NFIC: variants seen among roughly 807,000 people sequenced by gnomAD.
The protein encoded by NFIC is nuclear factor I C, also known as nuclear factor 1 C-type.
NFIC carries 12 observed loss-of-function variants against 54.4 expected under a neutral mutation model. That is an observed-to-expected ratio of 0.22 (90% CI 0.14 to 0.36). The LOEUF (loss-of-function observed/expected upper bound fraction) is 0.36. NFIC is among the 10% of genes least tolerant of loss of function. NFIC has a pLI of 1.00. For missense variants in NFIC, 575 were observed against 718.2 expected, an observed-to-expected ratio of 0.80 and a Z score of 2.28; for synonymous variants, 322 against 319.2, an observed-to-expected ratio of 1.01 and a Z score of -0.09.
intron 1 of NFIC, among the ~76,000 whole-genome samples, chr19:3,380,265 A>T (rs1490996510): frequency 6.7e-6 from 1 of 149,030 alleles, no homozygotes; most frequent in South Asian, 2.1e-4. Context: ...TGGCCTCCCA[A>T]AGTGCTGGGA....
chr19:3,363,523 C>T (rs531466499), upstream of NFIC, among the ~76,000 whole-genome samples: 5 of 151,500 alleles, frequency 3.3e-5, no homozygotes, highest in African/African-American at 7.3e-5. Flanking sequence ...CTGCCTGCCT[C>T]GGCCTCCCAA....
rs1192495350 is a variant in NFIC at position 3,369,099 on chromosome 19, C to T, written c.30+2433C>T. ...CTCTGTCTCTTCATGTCTATCTCAC[C>T]ATCCCTTTCTCCTCTTTGTCTCTGC... On this transcript the variant is annotated intron_variant, in intron 1 of 10. Coordinates refer to ENST00000443272, the MANE Select transcript of NFIC (RefSeq NM_001245002.2). This position sits in a 1 kb window ranked among gnomAD's most constrained non-coding sequence, Gnocchi z 4.3. Among the ~76,000 whole-genome samples the T allele has an allele frequency of 6.6e-6, 1 of 151,772 alleles. No homozygotes were observed. Among genetic ancestry groups the T allele is most frequent in the Non-Finnish European group, 1.5e-5 (1 of 67,970 alleles).
In NFIC at chr19:3,429,806, T is replaced by G. The variant is rs75532011; in HGVS notation, c.635-3712T>G. ...CCCTGCTGGCCTGCAACTTGCCAAGTGCATTTCTACCCGGAGGCCTTTGCA... is the reference window on the plus strand; with the variant it reads ...CCCTGCTGGCCTGCAACTTGCCAAGGGCATTTCTACCCGGAGGCCTTTGCA... On this transcript the variant is annotated intron_variant, in intron 3 of 10. Transcript: ENST00000443272. 2.4e-3 allele frequency among the ~76,000 whole-genome samples: 359 copies of G among 152,268 alleles called. 4 individuals are homozygous for G. In the East Asian group the frequency reaches 0.051, roughly 22 times the overall value.
At chr19:3,359,633 G>T (rs1423448630), upstream of NFIC, 1 of 1,338,496 alleles carries the variant, frequency 7.5e-7, no homozygotes, top group Non-Finnish European at 9.7e-7. Context: ...CCTCGCCGGG[G>T]ACCGAGCGCG....
intron 6 of NFIC, 117 bp downstream of exon 6, chr19:3,435,324 C>T (rs2082183622): frequency 1.5e-6 from 2 of 1,367,384 alleles, no homozygotes; most frequent in Non-Finnish European, 9.6e-7. Flanking sequence ...CCTGGAGCCG[C>T]GGGGCCTCCT....
intron 1 of NFIC, among the ~76,000 whole-genome samples, chr19:3,368,576 G>A (rs1399813032): frequency 6.6e-6 from 1 of 152,174 alleles, no homozygotes; most frequent in Non-Finnish European, 1.5e-5. Flanking sequence ...CCAGAGTGGG[G>A]ACAGCGAGTC....
At chr19:3,384,666 G>T (rs1185287281) in intron 2 of NFIC, among the ~76,000 whole-genome samples, 1 of 152,200 alleles carries the variant, frequency 6.6e-6, no homozygotes, top group Non-Finnish European at 1.5e-5. Context: ...GGGGATTACA[G>T]GCGTGAGCCA....
chr19:3,435,749 G>T (rs2082190851), intron 6 of NFIC, among the ~76,000 whole-genome samples: 1 of 152,040 alleles, frequency 6.6e-6, no homozygotes, highest in Admixed American at 6.6e-5. Context: ...CCATGGCGTC[G>T]TTTTCTAGGA....
intron 6 of NFIC, among the ~76,000 whole-genome samples, chr19:3,441,162 CG>C (rs1326385331): frequency 3.9e-5 from 6 of 152,184 alleles, no homozygotes; most frequent in Non-Finnish European, 8.8e-5. Flanking sequence ...GACAGCCCTG[CG>C]GAGGTGCCTG....
At chr19:3,366,396 G>A (rs896573429), upstream of NFIC, among the ~76,000 whole-genome samples, 7 of 151,048 alleles carry the variant, frequency 4.6e-5, no homozygotes, top group South Asian at 1.3e-3. Flanking sequence ...GAGAGACAGA[G>A]ACGGGGGAGA....
chr19:3,415,095 C>A (rs2081831732), intron 2 of NFIC, among the ~76,000 whole-genome samples: 1 of 152,060 alleles, frequency 6.6e-6, no homozygotes, highest in Non-Finnish European at 1.5e-5. Context: ...CCGCCTCAGG[C>A]TCCCAAAGTG....
chr19:3,444,335 A>G (rs2082338705), intron 6 of NFIC, among the ~76,000 whole-genome samples: 1 of 152,200 alleles, frequency 6.6e-6, no homozygotes, highest in African/African-American at 2.4e-5. Flanking sequence ...TCCTCCTCAC[A>G]GTCAATATTC....
intron 7 of NFIC, among the ~76,000 whole-genome samples, chr19:3,450,914 C>T (rs776714126): frequency 5.3e-5 from 8 of 152,196 alleles, no homozygotes; most frequent in African/African-American, 1.9e-4. Context: ...GCCACGACCA[C>T]GTCTTTGTAT....
chr19:3,410,797 G>A (rs948360400), intron 2 of NFIC: 16 of 152,440 alleles, frequency 1.0e-4, no homozygotes, highest in African/African-American at 3.8e-4. Flanking sequence ...GTAAGGCAGC[G>A]ATTGGAAACG....
In NFIC at chr19:3,434,676, G is replaced by A. The variant is rs571952351; in HGVS notation, c.833+276G>A. Among the ~76,000 whole-genome samples, 47 of 152,272 alleles carry A rather than the reference G, an allele frequency of 3.1e-4. 2 individuals carry two copies. In the South Asian group the frequency reaches 7.3e-3, roughly 24 times the overall value. Reference sequence around the variant, plus strand: ...CCCACCCAGAAGAATGCAGACACAGGTTGTTGCTGAGATATGCTTTGTGAC... The same window carrying A: ...CCCACCCAGAAGAATGCAGACACAGATTGTTGCTGAGATATGCTTTGTGAC... On this transcript the variant is annotated intron_variant, in intron 5 of 10. Transcript: ENST00000443272.
At chr19:3,434,575 TC>T (rs1437274057) in intron 5 of NFIC, among the ~76,000 whole-genome samples, 175 bp downstream of exon 5, 1 of 151,904 alleles carries the variant, frequency 6.6e-6, no homozygotes, top group African/African-American at 2.4e-5. Flanking sequence ...ACGTGCCTCT[TC>T]CCCTAGCCCT....
At chr19:3,412,337 T>G (rs1331506045) in intron 2 of NFIC, among the ~76,000 whole-genome samples, 1 of 152,132 alleles carries the variant, frequency 6.6e-6, no homozygotes, top group East Asian at 1.9e-4. Context: ...AGACTCAAAC[T>G]CCTGGATTCA....
intron 2 of NFIC, among the ~76,000 whole-genome samples, chr19:3,385,214 C>T (rs1428412547): frequency 1.3e-5 from 2 of 151,110 alleles, no homozygotes; most frequent in Non-Finnish European, 2.9e-5. Context: ...CCCCCCCAAC[C>T]CTCCCACCTG....
rs1413783570 is a variant in NFIC, at chr19:3,466,264, C to T, written c.*3495C>T. 3 of 151,642 alleles carry T rather than the reference C, an allele frequency of 2.0e-5. No individual in the cohort carries two copies. Among genetic ancestry groups the T allele is most frequent in the East Asian group, 3.9e-4 (2 of 5,184 alleles). 9.4% of individuals were successfully genotyped at this position (151,642 alleles called of 1,614,324 possible). On this transcript the variant is annotated 3_prime_UTR_variant, in exon 11 of 11. Coordinates refer to ENST00000443272, the MANE Select transcript of NFIC (RefSeq NM_001245002.2). This position sits in a 1 kb window ranked among gnomAD's most constrained non-coding sequence, Gnocchi z 4.8. The stretch of plus-strand genomic sequence containing the variant: ...TCTTTTTGTTTTTAACTCCAGCTTC[C>T]TTTGCTTTTTACTTGACCAAAGCTA...
Sources: gnomAD v4.1 joint callset for allele counts (sites outside exome capture counted in the v4.1 genomes callset) on GRCh38, gnomAD v4.1.1 for gene constraint, Gnocchi (gnomAD v3.1) non-coding constraint, MANE v1.5 for transcripts, NCBI Gene and HGNC (gene_info 2026-07-23, HGNC 2026-07-21) for gene names.